Variants in NCOR2 observed in about 807,000 individuals in gnomAD.
The protein encoded by NCOR2 is nuclear receptor corepressor 2.
A neutral mutation model predicts 262.9 loss-of-function variants in NCOR2; 81 were observed. The observed-to-expected ratio is 0.31, with a 90% CI of 0.26 to 0.37. The LOEUF is 0.37. NCOR2 is among the 10% of genes least tolerant of loss of function. The pLI is 1.00. For synonymous variants in NCOR2, 1,659 were observed against 1,559.3 expected, an observed-to-expected ratio of 1.06 and a Z score of -1.51; for missense variants, 3,385 against 3,621.4, an observed-to-expected ratio of 0.93 and a Z score of 1.68.
chr12:124,555,084 G>A (rs549682458), intron 1 of NCOR2, among the ~76,000 whole-genome samples: 81 of 152,354 alleles, frequency 5.3e-4, no homozygotes, highest in South Asian at 1.7e-3. Context: ...TAGGAGCTGT[G>A]TGTCCTGAGC....
At position 124,490,185 on chromosome 12, in the gene NCOR2, C is replaced by CA. The variant is rs1251547748; in HGVS notation, c.106-3618dup. On this transcript the variant is annotated intron_variant, in intron 1 of 46. Transcript: ENST00000405201. ...ACATGCCTGGCCCTCTCCCTTCCTC[C>CA]AGGTTCAGCTCCAAAGGCAGCTTCT... Among the ~76,000 whole-genome samples the CA allele has an allele frequency of 2.6e-5, 4 of 152,290 alleles. No individual in the cohort carries two copies. In the South Asian group the frequency reaches 8.3e-4, roughly 32 times the overall value.
intron 22 of NCOR2, among the ~76,000 whole-genome samples, chr12:124,357,006 G>C (rs2038002049): frequency 6.6e-6 from 1 of 152,232 alleles, no homozygotes. Flanking sequence ...GGTCTGAGCT[G>C]GGGGCTCTCA....
At chr12:124,462,619 G>A (rs182205532) in intron 5 of NCOR2, among the ~76,000 whole-genome samples, 86 of 152,354 alleles carry the variant, frequency 5.6e-4, no homozygotes, top group Admixed American at 5.6e-3. Flanking sequence ...GGGCATGGAG[G>A]CCAGAGGTGG....
At chr12:124,377,854 A>G (rs1326824999) in intron 18 of NCOR2, among the ~76,000 whole-genome samples, 1 of 151,860 alleles carries the variant, frequency 6.6e-6, no homozygotes, top group Non-Finnish European at 1.5e-5. Context: ...AAAAAAAACA[A>G]AAAAAAACTT....
At chr12:124,521,732 A>G (rs2050202469) in intron 1 of NCOR2, among the ~76,000 whole-genome samples, 2 of 152,176 alleles carry the variant, frequency 1.3e-5, no homozygotes, top group Non-Finnish European at 2.9e-5. Flanking sequence ...TCATGTTAAA[A>G]TGGTAAATTA....
At chr12:124,344,510 G>C in intron 32 of NCOR2, 87 bp downstream of exon 34, 1 of 1,244,972 alleles carries the variant, frequency 8.0e-7, no homozygotes, top group Non-Finnish European at 1.1e-6. Context: ...GATATCCCAG[G>C]TGCAAACTAA....
At chr12:124,518,628 C>G (rs150371016) in intron 1 of NCOR2, among the ~76,000 whole-genome samples, 2 of 152,274 alleles carry the variant, frequency 1.3e-5, no homozygotes, top group African/African-American at 4.8e-5. Context: ...GCCAAAAGTA[C>G]GAGCTTTTTC....
At chr12:124,329,959 TG>T (rs2035038607) in intron 44 of NCOR2, among the ~76,000 whole-genome samples, 1 of 152,194 alleles carries the variant, frequency 6.6e-6, no homozygotes, top group Admixed American at 6.5e-5. Flanking sequence ...GTCTAGTCAC[TG>T]GGCAGGTGGA....
chr12:124,335,214 G>C lies in NCOR2; in HGVS notation c.6332C>G (p.Pro2111Arg), dbSNP rs1165223891. The C allele has an allele frequency of 3.7e-6, 6 of 1,610,696 alleles. No homozygotes were observed. The East Asian group carries it at 1.3e-4, about 36-fold the overall frequency. Reference sequence around the variant, plus strand: ...GGTCTGGAGCAGCGGGCTGGACGAGGGCTGGCTCTCAGGCAGCGGCCGCAG... The same window carrying C: ...GGTCTGGAGCAGCGGGCTGGACGAGCGCTGGCTCTCAGGCAGCGGCCGCAG... The change falls in exon 40 of 47, where the codon CCC becomes CGC. Residue 2111 changes from proline (P) to arginine (R), a missense_variant. By Grantham distance (103) the Pro-to-Arg change is moderately radical. Transcript: ENST00000405201.
intron 13 of NCOR2, among the ~76,000 whole-genome samples, chr12:124,416,384 C>G (rs2042859155): frequency 6.6e-6 from 1 of 152,228 alleles, no homozygotes; most frequent in Non-Finnish European, 1.5e-5. Flanking sequence ...CGCGCTGTCT[C>G]TCATGCTCCC....
chr12:124,428,019 C>CTGATG (rs1450091434), intron 10 of NCOR2, among the ~76,000 whole-genome samples: 3 of 139,154 alleles, frequency 2.2e-5, no homozygotes. Context: ...CCTGAGGACT[C>CTGATG]TGATGACTGC....
At chr12:124,333,518 G>C (rs953668457) in intron 41 of NCOR2, among the ~76,000 whole-genome samples, 1 of 151,800 alleles carries the variant, frequency 6.6e-6, no homozygotes, top group Non-Finnish European at 1.5e-5. Context: ...TGTACAAACA[G>C]AGGGCCCGGG....
intron 24 of NCOR2, 54 bp from the exon 27 acceptor site, chr12:124,354,993 T>C: frequency 5.4e-6 from 8 of 1,491,192 alleles, no homozygotes; most frequent in Non-Finnish European, 7.4e-6. Flanking sequence ...TCCCCCACAG[T>C]CCAGAGTGCC....
chr12:124,354,349 A>G, intron 26 of NCOR2, 129 bp downstream of exon 28: 1 of 1,130,254 alleles, frequency 8.8e-7, no homozygotes, highest in East Asian at 2.6e-5. Flanking sequence ...GGTGAGGGAG[A>G]CAGCTGTGAA....
At chr12:124,562,476 G>C (rs999048086) in intron 1 of NCOR2, among the ~76,000 whole-genome samples, 1 of 152,220 alleles carries the variant, frequency 6.6e-6, no homozygotes, top group Admixed American at 6.5e-5. Flanking sequence ...GAGACCAGGA[G>C]CAGAGGGGAA....
intron 1 of NCOR2, among the ~76,000 whole-genome samples, chr12:124,565,176 A>G (rs1402274229): frequency 2.6e-5 from 4 of 152,156 alleles, no homozygotes; most frequent in African/African-American, 7.2e-5. Flanking sequence ...ACATGGATTT[A>G]TCAATAGTAT....
chr12:124,351,218 G>A (rs1027586486), intron 27 of NCOR2, among the ~76,000 whole-genome samples: 2 of 152,184 alleles, frequency 1.3e-5, no homozygotes, highest in African/African-American at 2.4e-5. Context: ...TGGCGGGGAC[G>A]CTGGGGTTTC....
intron 10 of NCOR2, among the ~76,000 whole-genome samples, chr12:124,427,455 C>T (rs758895840): frequency 1.3e-5 from 2 of 152,218 alleles, no homozygotes; most frequent in African/African-American, 2.4e-5. Flanking sequence ...CCCCAAATCT[C>T]GCAGCCAGCC....
At chr12:124,507,200 C>T (rs2049095359) in intron 1 of NCOR2, among the ~76,000 whole-genome samples, 1 of 152,008 alleles carries the variant, frequency 6.6e-6, no homozygotes, top group Admixed American at 6.5e-5. Flanking sequence ...CTGGGGAGAG[C>T]GAGGAAGGGG....
Sources: gnomAD v4.1 joint callset for allele counts (sites outside exome capture counted in the v4.1 genomes callset) on GRCh38, gnomAD v4.1.1 for gene constraint, MANE v1.5 for transcripts, NCBI Gene and HGNC (gene_info 2026-07-23, HGNC 2026-07-21) for gene names.